Variants in RGS18 observed in about 807,000 individuals in gnomAD.
RGS18 encodes the protein regulator of G protein signaling 18, also known as regulator of G-protein signaling 18.
RGS18 carries 22 observed loss-of-function variants against 27.6 expected under a neutral mutation model. The ratio of observed to expected loss-of-function variants is 0.80; its 90% CI spans 0.57 to 1.14. The LOEUF is 1.14. Among genes scored for constraint, RGS18 ranks in the 50% most tolerant of loss-of-function variants. RGS18 has a pLI of 0.00. For missense variants in RGS18, 299 were observed against 269.6 expected (o/e 1.11, Z -0.76); for synonymous variants, 89 against 84.6 (o/e 1.05, Z -0.29).
chr1:192,184,270 A>T lies in RGS18; in HGVS notation c.451-27A>T, dbSNP rs574792543. 6.9e-6 allele frequency: 11 copies of T among 1,594,508 alleles called. No individual in the cohort carries two copies. In the African/African-American group the frequency reaches 1.3e-4, roughly 20 times the overall value. ...TTGTTTATATAAGCATATTAACTATAATCACACTTTTTTTCTGTTTATCCA... is the reference window on the plus strand; with the variant it reads ...TTGTTTATATAAGCATATTAACTATTATCACACTTTTTTTCTGTTTATCCA... On this transcript the variant is annotated intron_variant, in intron 4 of 4. Transcript: ENST00000367460.
At chr1:192,160,053 CAG>C (rs1656043315) in intron 2 of RGS18, among the ~76,000 whole-genome samples, 1 of 151,748 alleles carries the variant, frequency 6.6e-6, no homozygotes, top group Non-Finnish European at 1.5e-5. Flanking sequence ...TGAATTTAAA[CAG>C]ATAGTTGACC....
intron 3 of RGS18, chr1:192,169,618 G>C (rs2102154554): frequency 6.6e-6 from 1 of 152,248 alleles, no homozygotes; most frequent in East Asian, 1.9e-4. Flanking sequence ...TCAGCAGAAG[G>C]CACATTTCCA....
rs946647751 is a variant in RGS18, at chr1:192,184,822, A to G, written c.*268A>G. 3.4e-5 allele frequency: 12 copies of G among 350,626 alleles called. No individual in the cohort carries two copies. Among genetic ancestry groups the G allele is most frequent in the African/African-American group, 2.5e-4 (12 of 47,694 alleles). 21.7% of individuals were successfully genotyped at this position (350,626 alleles called of 1,614,324 possible). A position where few individuals can be genotyped will look rare whatever the true frequency, so the allele number is the denominator to read the frequency against. On this transcript the variant is annotated 3_prime_UTR_variant, in exon 5 of 5. Transcript: ENST00000367460. ...AAAAGGCAGTACAAAAAAAGTAATAATGTTTTATAAGATTGTAGAGTTAAG... is the reference window on the plus strand; with the variant it reads ...AAAAGGCAGTACAAAAAAAGTAATAGTGTTTTATAAGATTGTAGAGTTAAG...
In RGS18 at chr1:192,159,243, T is replaced by TAA; in HGVS notation, c.144_145dup (p.Ser49LysfsTer34). Reference sequence around the variant, plus strand: ...AGAGCTAAGGAAAAAAGAAATAGACTAAGTCTTCTTGTGCAGAAACCTGAG... The same window carrying TAA: ...AGAGCTAAGGAAAAAAGAAATAGACTAAAAGTCTTCTTGTGCAGAAACCTGAG... On this transcript the variant is annotated frameshift_variant, in exon 2 of 5. Transcript: ENST00000367460. LOFTEE classifies it high-confidence loss of function. 6.2e-7 allele frequency: 1 copy of TAA among 1,613,312 alleles called. No homozygotes were observed. Among genetic ancestry groups the TAA allele is most frequent in the South Asian group, 1.1e-5 (1 of 91,040 alleles).
At chr1:192,166,595 G>C (rs1656166920) in intron 3 of RGS18, among the ~76,000 whole-genome samples, 1 of 151,906 alleles carries the variant, frequency 6.6e-6, no homozygotes, top group Non-Finnish European at 1.5e-5. Flanking sequence ...AAAAAAAAAT[G>C]GATAAACTTA....
intron 3 of RGS18, among the ~76,000 whole-genome samples, chr1:192,172,845 C>G (rs1329423615): frequency 7.7e-6 from 1 of 129,576 alleles, no homozygotes; most frequent in Non-Finnish European, 1.7e-5. Flanking sequence ...GGAAACAATG[C>G]CTTCCTGAGA....
At chr1:192,162,656 T>G (rs1656094423) in intron 3 of RGS18, among the ~76,000 whole-genome samples, 1 of 152,208 alleles carries the variant, frequency 6.6e-6, no homozygotes, top group African/African-American at 2.4e-5. Context: ...CGTACTCACT[T>G]TCTTGCTCCG....
At chr1:192,159,459 G>T in intron 2 of RGS18, 138 bp downstream of exon 2, 1 of 631,810 alleles carries the variant, frequency 1.6e-6, no homozygotes, top group East Asian at 2.8e-5. Flanking sequence ...CATTTGAAGA[G>T]ACTAGAAATA....
chr1:192,164,879 C>T (rs541446149), intron 3 of RGS18, among the ~76,000 whole-genome samples: 4 of 152,188 alleles, frequency 2.6e-5, no homozygotes, highest in East Asian at 3.9e-4. Flanking sequence ...GTGATGATTG[C>T]GTTAACTGTG....
chr1:192,167,384 A>G (rs185223757), intron 3 of RGS18, among the ~76,000 whole-genome samples: 1 of 151,988 alleles, frequency 6.6e-6, no homozygotes, highest in African/African-American at 2.4e-5. Flanking sequence ...AAAAATTTAA[A>G]TTTCCAACTC....
intron 3 of RGS18, chr1:192,168,493 A>G (rs1275213147): frequency 6.6e-6 from 1 of 152,208 alleles, no homozygotes; most frequent in Non-Finnish European, 1.5e-5. Context: ...AAGACTAACC[A>G]TAGTAACAAA....
chr1:192,178,559 T>C (rs552626839), intron 3 of RGS18, among the ~76,000 whole-genome samples: 1 of 151,644 alleles, frequency 6.6e-6, no homozygotes, highest in African/African-American at 2.4e-5. Flanking sequence ...GTGCCTGCTG[T>C]TGTGGAGAGA....
chr1:192,170,704 G>A (rs1172655674), intron 3 of RGS18, among the ~76,000 whole-genome samples: 1 of 150,818 alleles, frequency 6.6e-6, no homozygotes, highest in Non-Finnish European at 1.5e-5. Flanking sequence ...CATAGACTAA[G>A]TAATAAAACC....
chr1:192,158,519 A>G lies in RGS18; in HGVS notation c.-119A>G. On this transcript the variant is annotated 5_prime_UTR_variant, in exon 1 of 5. Coordinates refer to ENST00000367460, the MANE Select transcript of RGS18 (RefSeq NM_130782.3). ...GCAGCTCTTGACTTCTTTTTTGTAAACATTACTGTAAGAGTTGTGATAACT... is the reference window on the plus strand; with the variant it reads ...GCAGCTCTTGACTTCTTTTTTGTAAGCATTACTGTAAGAGTTGTGATAACT... 3 of 893,004 alleles carry G rather than the reference A, an allele frequency of 3.4e-6. No individual in the cohort carries two copies. Among genetic ancestry groups the G allele is most frequent in the Non-Finnish European group, 4.6e-6 (3 of 655,886 alleles). 55.3% of individuals were successfully genotyped at this position (893,004 alleles called of 1,614,324 possible). A position where few individuals can be genotyped will look rare whatever the true frequency, so the allele number is the denominator to read the frequency against.
At chr1:192,179,953 T>G (rs759470916) in intron 3 of RGS18, among the ~76,000 whole-genome samples, 5 of 151,664 alleles carry the variant, frequency 3.3e-5, no homozygotes, top group Non-Finnish European at 7.4e-5. Flanking sequence ...TGGCGAAAAC[T>G]GGATAAAGAG....
intron 3 of RGS18, among the ~76,000 whole-genome samples, chr1:192,162,100 G>A (rs1480510569): frequency 1.3e-5 from 2 of 152,166 alleles, no homozygotes; most frequent in Non-Finnish European, 2.9e-5. Context: ...TGGTAAGAAA[G>A]TTTGTGCTGA....
intron 3 of RGS18, among the ~76,000 whole-genome samples, chr1:192,173,007 G>A (rs1157375592): frequency 1.3e-5 from 2 of 150,414 alleles, no homozygotes; most frequent in African/African-American, 4.9e-5. Flanking sequence ...AATTAAATGA[G>A]GTAATGTATA....
intron 3 of RGS18, chr1:192,169,412 A>G (rs1656218467): frequency 6.6e-6 from 1 of 152,316 alleles, no homozygotes; most frequent in South Asian, 2.1e-4. Context: ...TGGAAATATG[A>G]CCTTGAAACA....
chr1:192,181,024 G>T (rs1165913854), intron 3 of RGS18, among the ~76,000 whole-genome samples: 1 of 151,566 alleles, frequency 6.6e-6, no homozygotes, highest in Non-Finnish European at 1.5e-5. Flanking sequence ...CCACCGTAGG[G>T]GGTCCCTCTT....
Sources: allele counts gnomAD v4.1 joint callset (sites outside exome capture counted in the v4.1 genomes callset), GRCh38; gene constraint gnomAD v4.1.1; transcripts MANE v1.5; gene names NCBI Gene and HGNC (gene_info 2026-07-23, HGNC 2026-07-21).